The following TASOR variants were observed in gnomAD, a reference collection of about 807,000 sequenced individuals.
The protein encoded by TASOR is transcription activation suppressor.
A neutral mutation model predicts 178.6 loss-of-function variants in TASOR; 53 were observed. The ratio of observed to expected loss-of-function variants is 0.30; its 90% confidence interval spans 0.24 to 0.37. The LOEUF is 0.37. Among genes scored for constraint, TASOR ranks in the 10% least tolerant of loss-of-function variants. The pLI is 1.00. For missense variants in TASOR, 1,815 were observed against 1,971.4 expected (o/e 0.92, Z 1.50); for synonymous variants, 713 against 696.2 (o/e 1.02, Z -0.38).
intron 18 of TASOR, among the ~76,000 whole-genome samples, chr3:56,631,586 T>TTTTTTG (rs1553722199): frequency 3.5e-5 from 4 of 115,564 alleles, no homozygotes; most frequent in African/African-American, 1.1e-4. Context: ...GTTTTTTTGT[T>TTTTTTG]TTTTTTTTTT....
At chr3:56,667,456 C>T (rs1022378183) in intron 6 of TASOR, among the ~76,000 whole-genome samples, 3 of 151,908 alleles carry the variant, frequency 2.0e-5, no homozygotes, top group African/African-American at 7.3e-5. Context: ...AGTTTGAGAC[C>T]AGCCTGGCCA....
At chr3:56,681,335 T>C (rs4681994) in intron 1 of TASOR, among the ~76,000 whole-genome samples, 93,833 of 152,016 alleles carry the variant, frequency 0.62, 31,564 homozygotes, top group East Asian at 0.96. Flanking sequence ...AGAACTGAGT[T>C]TTGACCTTTA....
chr3:56,663,595 GAAAAA>G, intron 7 of TASOR, 23 bp from the exon 8 acceptor site: 1 of 1,301,744 alleles, frequency 7.7e-7, no homozygotes, highest in Non-Finnish European at 1.0e-6. Context: ...TAAAAGAAAA[GAAAAA>G]CATTACTCAT....
chr3:56,668,427 A>C lies in TASOR; in HGVS notation c.867T>G (p.Leu289=), dbSNP rs1328862551. The change falls in exon 6 of 24, where the codon CTT becomes CTG. Residue 289 remains leucine, a synonymous_variant. Coordinates refer to ENST00000683822, the MANE Select transcript of TASOR (RefSeq NM_001365635.2). ...VSKNANRITS[L]LAYRAYELTQ... Reference sequence around the variant, plus strand: ...TAAGCTCATAGGCTCTGTAAGCCAAAAGTGATGTAATTCGATTGGCATTCT... The same window carrying C: ...TAAGCTCATAGGCTCTGTAAGCCAACAGTGATGTAATTCGATTGGCATTCT... 35 of 1,551,552 alleles carry C rather than the reference A, an allele frequency of 2.3e-5. 1 individual carries two copies. The highest frequency in any genetic ancestry group is 1.4e-5 in the Non-Finnish European group (16 of 1,146,994).
chr3:56,665,314 C>A (rs562747112), intron 7 of TASOR, among the ~76,000 whole-genome samples: 1 of 152,272 alleles, frequency 6.6e-6, no homozygotes, highest in Admixed American at 6.5e-5. Context: ...AGAAGCTCCC[C>A]ATTTCCAAGG....
Position 56,627,683 on chromosome 3 carries a change from C to G in TASOR, c.3929G>C (p.Ser1310Thr). ...LPCVSFAGVDSLDDVKNHTYN... is the reference protein window; with the variant it reads ...LPCVSFAGVDTLDDVKNHTYN... ...TGTATGATTTTTAACATCATCCAGG[C>G]TATCAACACCAGCAAAACTAACACA... The change falls in exon 20 of 24, where the codon AGC (serine) becomes ACC (threonine). Residue 1310 changes from serine to threonine, a missense_variant. Physicochemically the swap from Ser to Thr is moderately conservative, Grantham distance 58. Around this residue, in one of 5 missense-constraint regions of TASOR, gnomAD observed 134 missense variants for 195.2 expected, o/e 0.69. Transcript: ENST00000683822. 6.2e-7 allele frequency: 1 copy of G among 1,614,114 alleles called. No individual in the cohort carries two copies. The highest frequency in any genetic ancestry group is 8.5e-7 in the Non-Finnish European group (1 of 1,179,994).
At chr3:56,647,294 A>G in intron 13 of TASOR, 71 bp from the exon 14 acceptor site, 1 of 1,214,732 alleles carries the variant, frequency 8.2e-7, no homozygotes, top group African/African-American at 1.5e-5. Context: ...ATACAGATCT[A>G]AATATTGCCA....
At chr3:56,670,780 G>T (rs1265344214) in intron 3 of TASOR, among the ~76,000 whole-genome samples, 1 of 148,032 alleles carries the variant, frequency 6.8e-6, no homozygotes. Context: ...TACTAAAAAC[G>T]CAAAAAAATT....
chr3:56,620,833 G>A lies in TASOR; in HGVS notation c.*2204C>T, dbSNP rs1274955420. The A allele has an allele frequency of 6.6e-6, 1 of 152,202 alleles. No individual in the cohort carries two copies. The highest frequency in any genetic ancestry group is 2.4e-5 in the African/African-American group (1 of 41,434). The allele number at this position is 152,202 out of a possible 1,614,324, so 9.4% of individuals were successfully genotyped here. On this transcript the variant is annotated 3_prime_UTR_variant, in exon 24 of 24. Coordinates refer to ENST00000683822, the MANE Select transcript of TASOR (RefSeq NM_001365635.2). The stretch of plus-strand genomic sequence containing the variant: ...GCAGGACCCTTCTGTTAGCATCTAA[G>A]GTAAGGTTAGGACAGTCAAGATAAA...
intron 1 of TASOR, among the ~76,000 whole-genome samples, chr3:56,682,240 G>A (rs189884572): frequency 2.0e-5 from 3 of 152,306 alleles, no homozygotes; most frequent in Admixed American, 6.5e-5. Context: ...TCCACGGGGA[G>A]AAGCACTCAT....
At chr3:56,673,433 CAAAAA>C (rs5849162) in intron 2 of TASOR, 142 bp downstream of exon 2, 1,607 of 194,088 alleles carry the variant, frequency 8.3e-3, no homozygotes, top group South Asian at 0.03. Flanking sequence ...ACTCCGTCTC[CAAAAA>C]AAAAAAAAAA....
chr3:56,633,349 C>G lies in TASOR; in HGVS notation c.3442G>C (p.Asp1148His), dbSNP rs148273257. Residue 1148 changes from aspartate (D) to histidine (H), a missense_variant, in exon 18 of 24, where the codon GAT (aspartate) becomes CAT (histidine). By Grantham distance (81) the Asp-to-His change is moderately conservative. Around this residue, in one of 5 missense-constraint regions of TASOR, gnomAD observed 655 missense variants for 671.1 expected, o/e 0.98. Coordinates refer to ENST00000683822, the MANE Select transcript of TASOR (RefSeq NM_001365635.2). ...CSDPLKDTNS[D>H]EQHSTSALTE... is the part of the protein sequence containing the mutation. ...AAAGCCGAAGTGGAATGCTGCTCAT[C>G]AGAGTTGGTATCTTTCAAAGGATCA... 6.2e-7 allele frequency: 1 copy of G among 1,614,142 alleles called. No individual in the cohort carries two copies. The highest frequency in any genetic ancestry group is 1.1e-5 in the South Asian group (1 of 91,074).
At chr3:56,627,187 T>C in intron 20 of TASOR, 42 bp from the exon 21 acceptor site, 1 of 1,147,868 alleles carries the variant, frequency 8.7e-7, no homozygotes, top group Non-Finnish European at 1.3e-6. Context: ...CAATAAATAA[T>C]CATTCCATAA....
intron 21 of TASOR, 48 bp from the exon 22 acceptor site, chr3:56,625,054 A>T: frequency 6.4e-7 from 1 of 1,559,120 alleles, no homozygotes; most frequent in Non-Finnish European, 8.7e-7. Flanking sequence ...TCTAAAATTT[A>T]GTATGGAAAT....
intron 14 of TASOR, among the ~76,000 whole-genome samples, chr3:56,642,642 G>A (rs538623547): frequency 6.6e-6 from 1 of 152,300 alleles, no homozygotes; most frequent in East Asian, 1.9e-4. Flanking sequence ...CAGTAGTGGA[G>A]TGGGGTGAGC....
rs1210924070 is a variant in TASOR at position 56,624,842 on chromosome 3, A to G, written c.4304T>C (p.Ile1435Thr). ...LQAQNIQQRH[I>T]VFLTEKNIKM... Reference sequence around the variant, plus strand: ...GCTCTCTTTACCTGTTAAAAAGACTATGTGTCGTTGCTGTATGTTCTGAGC... The same window carrying G: ...GCTCTCTTTACCTGTTAAAAAGACTGTGTGTCGTTGCTGTATGTTCTGAGC... The change falls in exon 22 of 24, where the codon ATA becomes ACA. Residue 1435 changes from isoleucine (I) to threonine (T), a missense_variant. By Grantham distance (89) the Ile-to-Thr change is moderately conservative. This residue lies in a region of TASOR where 134 missense variants were observed against 195.2 expected (regional missense o/e 0.69). Coordinates refer to ENST00000683822, the MANE Select transcript of TASOR (RefSeq NM_001365635.2). The G allele has an allele frequency of 1.2e-6, 2 of 1,614,086 alleles. No homozygotes were observed. The highest frequency in any genetic ancestry group is 1.7e-5 in the Admixed American group (1 of 60,006).
intron 1 of TASOR, among the ~76,000 whole-genome samples, chr3:56,675,690 C>G (rs1288768441): frequency 6.6e-6 from 1 of 152,100 alleles, no homozygotes; most frequent in African/African-American, 2.4e-5. Flanking sequence ...TCTCTATTAC[C>G]TTAATTTCTT....
chr3:56,659,984 C>G (rs1246652795), intron 11 of TASOR, among the ~76,000 whole-genome samples: 1 of 151,862 alleles, frequency 6.6e-6, no homozygotes, highest in East Asian at 2.0e-4. Context: ...AAGCGATTCT[C>G]CTGCCTCAGC....
chr3:56,631,583 TG>T lies in TASOR; in HGVS notation c.3747+1460del, dbSNP rs1252039452. 3.0e-4 allele frequency among the ~76,000 whole-genome samples: 36 copies of T among 119,534 alleles called. 1 individual carries two copies. The highest frequency in any genetic ancestry group is 4.0e-4 in the Non-Finnish European group (24 of 59,294). The allele number at this position is 119,534 out of a possible 152,430, so 78.4% of individuals were successfully genotyped here. On this transcript the variant is annotated intron_variant, in intron 18 of 23. Coordinates refer to ENST00000683822, the MANE Select transcript of TASOR (RefSeq NM_001365635.2). ...GTGTGTGTGTGTGTCTGTGTTTTTT[TG>T]TTTTTTTTTTTTTTTTTGAGATGGA...
Sources: allele counts gnomAD v4.1 joint callset (sites outside exome capture counted in the v4.1 genomes callset), GRCh38; gene constraint gnomAD v4.1.1; regional missense constraint gnomAD v4.1.1; transcripts MANE v1.5; gene names NCBI Gene and HGNC (gene_info 2026-07-23, HGNC 2026-07-21).